Variants in ATRN observed in about 807,000 individuals in gnomAD.
ATRN encodes the protein attractin, also known as attractin-2.
ATRN carries 54 observed loss-of-function variants against 178.7 expected under a neutral mutation model. The observed-to-expected ratio is 0.30, with a 90% CI of 0.24 to 0.38. ATRN has a LOEUF of 0.38. ATRN is among the 10% of genes least tolerant of loss of function. The pLI is 1.00. For synonymous variants in ATRN, 636 were observed against 663.0 expected, an observed-to-expected ratio of 0.96 and a Z score of 0.63; for missense variants, 1,443 against 1,815.1, an observed-to-expected ratio of 0.79 and a Z score of 3.73.
At chr20:3,486,508 A>G (rs1015135423) in intron 1 of ATRN, among the ~76,000 whole-genome samples, 4 of 152,022 alleles carry the variant, frequency 2.6e-5, no homozygotes, top group Non-Finnish European at 4.4e-5. Flanking sequence ...CCCGAGTTCA[A>G]GCGATTCTGG....
intron 3 of ATRN, among the ~76,000 whole-genome samples, chr20:3,542,498 A>G (rs1357322086): frequency 6.7e-6 from 1 of 149,774 alleles, no homozygotes. Context: ...TAGGAAAGTT[A>G]TATGCTGGTG....
chr20:3,514,289 A>G (rs1447407500), intron 1 of ATRN, among the ~76,000 whole-genome samples: 1 of 152,220 alleles, frequency 6.6e-6, no homozygotes, highest in Admixed American at 6.5e-5. Context: ...ATTCTTCCCA[A>G]CTATTATAGG....
chr20:3,601,093 T>C, intron 23 of ATRN, 69 bp downstream of exon 23: 4 of 1,420,130 alleles, frequency 2.8e-6, no homozygotes, highest in Non-Finnish European at 3.9e-6. Flanking sequence ...ATATAGGAAT[T>C]GAGAAAGCGA....
In ATRN at chr20:3,563,303, G is replaced by C; in HGVS notation, c.1726G>C (p.Asp576His). 6.2e-7 allele frequency: 1 copy of C among 1,614,154 alleles called. No individual in the cohort carries two copies. Among genetic ancestry groups the C allele is most frequent in the Non-Finnish European group, 8.5e-7 (1 of 1,180,006 alleles). The change falls in exon 10 of 29, where the codon GAC (aspartate) becomes CAC (histidine). Residue 576 changes from aspartate (D) to histidine (H), a missense_variant. Asp to His is a moderately conservative substitution (Grantham distance 81). Coordinates refer to ENST00000262919, the MANE Select transcript of ATRN (RefSeq NM_139321.3). The stretch of plus-strand genomic sequence containing the variant: ...GGTGTTTGGAGGAAACACACACAAT[G>C]ACACATCTATGAGCCATGGCGCCAA... ...MLVFGGNTHN[D>H]TSMSHGAKCF...
intron 1 of ATRN, among the ~76,000 whole-genome samples, chr20:3,481,588 C>T (rs116865564): frequency 0.039 from 5,928 of 152,218 alleles, 158 homozygotes; most frequent in Non-Finnish European, 0.057. Flanking sequence ...TCAAGCAATC[C>T]TCTCATCTGC....
intron 1 of ATRN, among the ~76,000 whole-genome samples, chr20:3,492,793 T>G (rs1346192332): frequency 6.6e-6 from 1 of 150,536 alleles, no homozygotes; most frequent in African/African-American, 2.4e-5. Flanking sequence ...TGGAACTCAG[T>G]TTTTGCTGCT....
At chr20:3,557,662 A>G (rs1270666658) in intron 6 of ATRN, among the ~76,000 whole-genome samples, 6 of 152,212 alleles carry the variant, frequency 3.9e-5, no homozygotes, top group African/African-American at 1.2e-4. Flanking sequence ...CTAAATAACT[A>G]TGGAATTACT....
chr20:3,505,331 T>C (rs1287428937), intron 1 of ATRN, among the ~76,000 whole-genome samples: 3 of 152,142 alleles, frequency 2.0e-5, no homozygotes, highest in Non-Finnish European at 4.4e-5. Context: ...CCCAGGTTCT[T>C]GGACCTTTGG....
Position 3,600,860 on chromosome 20 carries a change from C to G in ATRN, c.3565-86C>G, listed in dbSNP as rs1443348183. The G allele has an allele frequency of 2.4e-6, 3 of 1,237,000 alleles. No homozygotes were observed. The African/African-American group carries it at 4.6e-5, about 19-fold the overall frequency. The allele number at this position is 1,237,000 out of a possible 1,614,324, so 76.6% of individuals were successfully genotyped here. On this transcript the variant is annotated intron_variant, in intron 22 of 28. Coordinates refer to ENST00000262919, the MANE Select transcript of ATRN (RefSeq NM_139321.3). ...ATCATAAAATGTTTGTGATTAAGAA[C>G]ATTTAGAGGAGTAAACTTTATTGCT...
intron 23 of ATRN, 42 bp downstream of exon 23, chr20:3,601,066 G>A (rs1352487953): frequency 3.3e-6 from 5 of 1,533,542 alleles, no homozygotes; most frequent in African/African-American, 1.4e-5. Context: ...TGAAGGTGTG[G>A]TAGATTAAGA....
chr20:3,616,906 G>A (rs1456378721), intron 24 of ATRN, among the ~76,000 whole-genome samples: 1 of 151,352 alleles, frequency 6.6e-6, no homozygotes, highest in Non-Finnish European at 1.5e-5. Context: ...CCACAGCAGA[G>A]TGTCTGTTTC....
intron 24 of ATRN, among the ~76,000 whole-genome samples, chr20:3,620,524 G>A (rs529825768): frequency 1.9e-4 from 29 of 152,324 alleles, no homozygotes; most frequent in Admixed American, 8.5e-4. Flanking sequence ...GGGATTAGGC[G>A]TGAGCCACTG....
chr20:3,550,740 A>T (rs1164979728), intron 6 of ATRN, among the ~76,000 whole-genome samples: 2 of 152,162 alleles, frequency 1.3e-5, no homozygotes, highest in Non-Finnish European at 2.9e-5. Context: ...GCACCCAGAG[A>T]TCTCGTAGGA....
Position 3,535,176 on chromosome 20 carries a change from GAAAATATAT to G in ATRN, c.411-63_411-55del, listed in dbSNP as rs1475316605. On this transcript the variant is annotated intron_variant, in intron 1 of 28. Transcript: ENST00000262919. ...TAAGAATTAAGAAATATTAATATAT[GAAAATATAT>G]AAAATATATAAAAATATATGAAATT... The G allele has an allele frequency of 5.4e-6, 3 of 554,310 alleles. No individual in the cohort carries two copies. The African/African-American group carries it at 6.3e-5, about 12-fold the overall frequency. The allele number at this position is 554,310 out of a possible 1,614,324, so 34.3% of individuals were successfully genotyped here.
At chr20:3,642,078 A>C (rs1318393251) in intron 27 of ATRN, among the ~76,000 whole-genome samples, 1 of 152,244 alleles carries the variant, frequency 6.6e-6, no homozygotes, top group Non-Finnish European at 1.5e-5. Context: ...CTTCCAGGAC[A>C]CCACACACTT....
chr20:3,577,740 C>T (rs1467542331), intron 14 of ATRN, among the ~76,000 whole-genome samples: 6 of 152,042 alleles, frequency 3.9e-5, no homozygotes, highest in Non-Finnish European at 1.5e-5. Flanking sequence ...GGGAATCTTG[C>T]GAAAGGCATA....
chr20:3,542,350 G>A (rs1337788987), intron 3 of ATRN, among the ~76,000 whole-genome samples: 1 of 152,176 alleles, frequency 6.6e-6, no homozygotes, highest in Non-Finnish European at 1.5e-5. Context: ...AGGAACATGA[G>A]CCAAGCAGGT....
At chr20:3,508,647 G>A (rs552763546) in intron 1 of ATRN, among the ~76,000 whole-genome samples, 9 of 152,298 alleles carry the variant, frequency 5.9e-5, no homozygotes, top group East Asian at 1.9e-4. Context: ...AGGGAGTTCC[G>A]TAAGCAGAGG....
chr20:3,486,716 CAT>C (rs1166680131), intron 1 of ATRN, among the ~76,000 whole-genome samples: 1 of 152,168 alleles, frequency 6.6e-6, no homozygotes, highest in Admixed American at 6.5e-5. Context: ...TGCTTTTACT[CAT>C]AGTCTATCTC....
Sources: gnomAD v4.1 joint callset for allele counts (sites outside exome capture counted in the v4.1 genomes callset) on GRCh38, gnomAD v4.1.1 for gene constraint, MANE v1.5 for transcripts, NCBI Gene and HGNC (gene_info 2026-07-23, HGNC 2026-07-21) for gene names.